SIL1: variants seen among roughly 807,000 people sequenced by gnomAD.
The protein encoded by SIL1 is nucleotide exchange factor SIL1.
In SIL1, 40 loss-of-function variants were observed where a neutral mutation model predicts 49.1. The ratio of observed to expected loss-of-function variants is 0.81; its 90% CI spans 0.63 to 1.06. The LOEUF is 1.06. Ranked by LOEUF, SIL1 falls within the 50% of genes least tolerant of loss-of-function variation. The pLI is 0.00. For missense variants in SIL1, 500 were observed against 572.6 expected, an observed-to-expected ratio of 0.87 and a Z score of 1.29; for synonymous variants, 253 against 250.8, an observed-to-expected ratio of 1.01 and a Z score of -0.08.
chr5:139,116,621 A>T (rs1581112396), intron 3 of SIL1, among the ~76,000 whole-genome samples: 1 of 152,206 alleles, frequency 6.6e-6, no homozygotes, highest in African/African-American at 2.4e-5. Context: ...ATACATAGAT[A>T]TATATTTTTA....
chr5:139,052,842 A>G (rs918401848), intron 3 of SIL1, among the ~76,000 whole-genome samples: 2 of 152,204 alleles, frequency 1.3e-5, no homozygotes. Context: ...CACGGAACCC[A>G]ATAGGCCACA....
chr5:138,952,754 A>G (rs1247536529), intron 7 of SIL1, among the ~76,000 whole-genome samples: 1 of 152,236 alleles, frequency 6.6e-6, no homozygotes, highest in Non-Finnish European at 1.5e-5. Context: ...TGATTAAAAC[A>G]TTTCAGGCCC....
intron 1 of SIL1, among the ~76,000 whole-genome samples, chr5:139,156,142 G>T (rs896406336): frequency 1.3e-5 from 2 of 152,130 alleles, no homozygotes; most frequent in African/African-American, 2.4e-5. Context: ...ATATGTTTAC[G>T]TAATAATAAT....
chr5:139,068,603 C>T (rs550593915), intron 3 of SIL1, among the ~76,000 whole-genome samples: 22 of 145,888 alleles, frequency 1.5e-4, no homozygotes, highest in African/African-American at 5.6e-4. Context: ...TTGAACACTA[C>T]CTGAAAACAA....
At chr5:139,180,381 C>CAAAAAAAAA in intron 1 of SIL1, among the ~76,000 whole-genome samples, 1 of 57,052 alleles carries the variant, frequency 1.8e-5, no homozygotes, top group Non-Finnish European at 3.1e-5. Context: ...AACTCCATCT[C>CAAAAAAAAA]AAAAAAAAAA....
At position 138,946,874 on chromosome 5, in the gene SIL1, C is replaced by T; in HGVS notation, c.*243G>A. The stretch of plus-strand genomic sequence containing the variant: ...CAGGTTCCTGCCCTGGAGCCTGTTC[C>T]TGGATGCCCTGGGCTGAGCCCTGCA... On this transcript the variant is annotated 3_prime_UTR_variant, in exon 10 of 10. Coordinates refer to ENST00000394817, the MANE Select transcript of SIL1 (RefSeq NM_022464.5). The T allele has an allele frequency of 1.8e-6, 1 of 557,970 alleles. No homozygotes were observed. Among genetic ancestry groups the T allele is most frequent in the Non-Finnish European group, 3.2e-6 (1 of 309,084 alleles). 34.6% of individuals were successfully genotyped at this position (557,970 alleles called of 1,614,324 possible). A position where few individuals can be genotyped will look rare whatever the true frequency, so the allele number is the denominator to read the frequency against.
intron 1 of SIL1, among the ~76,000 whole-genome samples, chr5:139,169,614 T>C (rs1005555875): frequency 6.6e-6 from 1 of 151,860 alleles, no homozygotes; most frequent in African/African-American, 2.4e-5. Flanking sequence ...CCCGAGTAGC[T>C]GGGACTACAG....
intron 7 of SIL1, among the ~76,000 whole-genome samples, chr5:138,993,937 G>C (rs745776627): frequency 5.9e-5 from 9 of 152,142 alleles, no homozygotes; most frequent in Non-Finnish European, 1.0e-4. Context: ...CTAAGTTTGT[G>C]AGAATTTGTT....
intron 3 of SIL1, among the ~76,000 whole-genome samples, chr5:139,078,519 T>C: frequency 6.6e-6 from 1 of 152,174 alleles, no homozygotes; most frequent in Admixed American, 6.5e-5. Context: ...TCTCCACCAC[T>C]TCCTGCTGGG....
At chr5:139,058,441 A>C (rs557169686) in intron 3 of SIL1, among the ~76,000 whole-genome samples, 85 of 152,308 alleles carry the variant, frequency 5.6e-4, no homozygotes, top group Non-Finnish European at 1.0e-3. Context: ...CATTAGAGGA[A>C]TCCATCTGCA....
chr5:139,136,428 G>A (rs78222222), intron 1 of SIL1, among the ~76,000 whole-genome samples: 7,438 of 152,290 alleles, frequency 0.049, 277 homozygotes, highest in Non-Finnish European at 0.07. Flanking sequence ...GGAGCAGAGC[G>A]ACTATCTTTC....
At chr5:139,107,307 T>C (rs926226999) in intron 3 of SIL1, among the ~76,000 whole-genome samples, 6 of 152,092 alleles carry the variant, frequency 3.9e-5, no homozygotes, top group African/African-American at 1.4e-4. Context: ...CCCTGGTGAG[T>C]TTCTCCTTTA....
intron 3 of SIL1, among the ~76,000 whole-genome samples, chr5:139,065,818 C>T (rs574907694): frequency 6.6e-6 from 1 of 152,354 alleles, no homozygotes; most frequent in South Asian, 2.1e-4. Context: ...AGTACCCAGG[C>T]AGAAGTATAT....
intron 3 of SIL1, among the ~76,000 whole-genome samples, chr5:139,066,047 T>C (rs1008721184): frequency 4.6e-5 from 7 of 152,206 alleles, no homozygotes; most frequent in African/African-American, 1.7e-4. Context: ...CAGGAGATCA[T>C]GAGACCCAGC....
At chr5:139,157,060 C>T (rs1038198793) in intron 1 of SIL1, among the ~76,000 whole-genome samples, 2 of 152,182 alleles carry the variant, frequency 1.3e-5, no homozygotes, top group African/African-American at 4.8e-5. Flanking sequence ...TTGAAGCAAT[C>T]AGCACTGACA....
At chr5:139,105,208 G>A (rs1406816194) in intron 3 of SIL1, among the ~76,000 whole-genome samples, 3 of 152,176 alleles carry the variant, frequency 2.0e-5, no homozygotes. Flanking sequence ...GGGGAAGAGG[G>A]GGGCGATATG....
At chr5:139,046,453 G>A (rs139416363) in intron 4 of SIL1, among the ~76,000 whole-genome samples, 21 of 152,124 alleles carry the variant, frequency 1.4e-4, no homozygotes, top group African/African-American at 4.3e-4. Flanking sequence ...ATCTCCTATC[G>A]ATTTCCTTCC....
rs563235337 is a variant in SIL1, at chr5:139,068,918, A to G, written c.245-17872T>C. ...GTAACTTCCTGTTTCAAAATGCACT[A>G]AAGACATTTGTTAAATGGTACAAGA... is the stretch of plus-strand genomic sequence containing the variant. On this transcript the variant is annotated intron_variant, in intron 3 of 9. Coordinates refer to ENST00000394817, the MANE Select transcript of SIL1 (RefSeq NM_022464.5). 4.5e-4 allele frequency among the ~76,000 whole-genome samples: 68 copies of G among 152,332 alleles called. No individual in the cohort carries two copies. In the South Asian group the frequency reaches 0.012, roughly 27 times the overall value.
intron 7 of SIL1, among the ~76,000 whole-genome samples, chr5:138,958,192 C>T (rs1766942260): frequency 6.6e-6 from 1 of 152,236 alleles, no homozygotes; most frequent in African/African-American, 2.4e-5. Flanking sequence ...TTTCATGACA[C>T]TGACATTTAT....
Sources: gnomAD v4.1 joint callset for allele counts (sites outside exome capture counted in the v4.1 genomes callset) on GRCh38, gnomAD v4.1.1 for gene constraint, MANE v1.5 for transcripts, NCBI Gene and HGNC (gene_info 2026-07-23, HGNC 2026-07-21) for gene names.